FAM3B: variants seen among roughly 807,000 people sequenced by gnomAD.
FAM3B encodes the protein protein FAM3B.
FAM3B carries 29 observed loss-of-function variants against 28.4 expected under a neutral mutation model. That is an observed-to-expected ratio of 1.02 (90% CI 0.76 to 1.39). The LOEUF is 1.39. Among genes scored for constraint, FAM3B ranks in the 40% most tolerant of loss-of-function variants. FAM3B has a pLI of 0.00. For synonymous variants in FAM3B, 91 were observed against 103.0 expected (o/e 0.88, Z 0.71); for missense variants, 266 against 293.9 (o/e 0.91, Z 0.69).
At chr21:41,330,148 A>AAC (rs1555870402) in intron 2 of FAM3B, among the ~76,000 whole-genome samples, 1 of 151,772 alleles carries the variant, frequency 6.6e-6, no homozygotes, top group African/African-American at 2.4e-5. Flanking sequence ...AAAAAAAAAA[A>AAC]AAACATAATA....
chr21:41,355,524 C>A (rs563065667), intron 7 of FAM3B, among the ~76,000 whole-genome samples: 1 of 151,936 alleles, frequency 6.6e-6, no homozygotes, highest in African/African-American at 2.4e-5. Context: ...ATACATGCTA[C>A]AATATGGATG....
intron 7 of FAM3B, among the ~76,000 whole-genome samples, chr21:41,351,022 C>A (rs2089115062): frequency 6.7e-6 from 1 of 150,118 alleles, no homozygotes; most frequent in Non-Finnish European, 1.5e-5. Flanking sequence ...TTATTACTAC[C>A]AATGGTGCGG....
At chr21:41,329,772 G>T (rs2088888359) in intron 2 of FAM3B, among the ~76,000 whole-genome samples, 1 of 152,072 alleles carries the variant, frequency 6.6e-6, no homozygotes, top group South Asian at 2.1e-4. Context: ...GTTTTGCCAT[G>T]TTGGCCAGGC....
At chr21:41,347,856 A>G (rs1451369744) in intron 6 of FAM3B, among the ~76,000 whole-genome samples, 1 of 152,106 alleles carries the variant, frequency 6.6e-6, no homozygotes, top group East Asian at 1.9e-4. Context: ...AGTGTGTCCT[A>G]CTAAGTAAAC....
intron 1 of FAM3B, among the ~76,000 whole-genome samples, chr21:41,321,155 A>G (rs2088800324): frequency 6.6e-6 from 1 of 152,186 alleles, no homozygotes; most frequent in Non-Finnish European, 1.5e-5. Flanking sequence ...CACAGAATAC[A>G]GGGCACGGCC....
Position 41,357,107 on chromosome 21 carries a change from G to A in FAM3B, c.619-1G>A. The A allele has an allele frequency of 6.2e-7, 1 of 1,610,526 alleles. No individual in the cohort carries two copies. The highest frequency in any genetic ancestry group is 8.5e-7 in the Non-Finnish European group (1 of 1,177,906). ...ATAAAACTCTTCTTTTCTCTACACA[G>A]ATCAACCACTCTGATGCTAAGAACA... is the stretch of plus-strand genomic sequence containing the variant. On this transcript the variant is annotated splice_acceptor_variant, in intron 7 of 7. Transcript: ENST00000357985. LOFTEE classifies it high-confidence loss of function.
chr21:41,313,698 G>A (rs2088727854), upstream of FAM3B, among the ~76,000 whole-genome samples: 1 of 144,734 alleles, frequency 6.9e-6, no homozygotes, highest in Non-Finnish European at 1.5e-5. Context: ...CATACAGTAT[G>A]TATGCATGTC....
At chr21:41,322,225 A>G (rs1427483429) in intron 1 of FAM3B, among the ~76,000 whole-genome samples, 1 of 152,212 alleles carries the variant, frequency 6.6e-6, no homozygotes, top group African/African-American at 2.4e-5. Context: ...GAGGAGATCA[A>G]TGCCTTTTCC....
intron 2 of FAM3B, among the ~76,000 whole-genome samples, chr21:41,332,724 G>A (rs995325647): frequency 2.0e-5 from 3 of 151,962 alleles, no homozygotes; most frequent in African/African-American, 7.3e-5. Context: ...CCTTTTTTCG[G>A]TGTATAATTG....
At chr21:41,313,976 A>C (rs118035983), upstream of FAM3B, among the ~76,000 whole-genome samples, 300 of 152,290 alleles carry the variant, frequency 2.0e-3, 3 homozygotes, top group East Asian at 0.021. Context: ...GCTGCCATGG[A>C]TGAATTGCAT....
At chr21:41,335,022 C>T (rs910161952) in intron 2 of FAM3B, among the ~76,000 whole-genome samples, 8 of 152,144 alleles carry the variant, frequency 5.3e-5, no homozygotes, top group Non-Finnish European at 1.2e-4. Context: ...TCGTGTGGGG[C>T]CTGTAGCCTC....
intron 3 of FAM3B, among the ~76,000 whole-genome samples, chr21:41,338,991 T>C (rs576069359): frequency 6.6e-6 from 1 of 152,248 alleles, no homozygotes; most frequent in African/African-American, 2.4e-5. Flanking sequence ...TTCAAAGTCA[T>C]GGGAACATGA....
At chr21:41,314,970 G>A (rs1264665827), upstream of FAM3B, among the ~76,000 whole-genome samples, 1 of 152,162 alleles carries the variant, frequency 6.6e-6, no homozygotes. Flanking sequence ...GGATCCAGAA[G>A]AGATATTTGC....
At chr21:41,324,872 C>T (rs446632) in intron 2 of FAM3B, among the ~76,000 whole-genome samples, 11,210 of 152,190 alleles carry the variant, frequency 0.074, 566 homozygotes, top group African/African-American at 0.13. Flanking sequence ...GAGGCCGAGG[C>T]GGGCACATCA....
At chr21:41,341,455 C>G (rs1322515989) in intron 3 of FAM3B, among the ~76,000 whole-genome samples, 2 of 152,230 alleles carry the variant, frequency 1.3e-5, no homozygotes, top group Non-Finnish European at 2.9e-5. Context: ...TCTTTCCTTC[C>G]TGCCCAATGG....
At chr21:41,354,775 A>G (rs1347682177) in intron 7 of FAM3B, among the ~76,000 whole-genome samples, 1 of 152,006 alleles carries the variant, frequency 6.6e-6, no homozygotes, top group African/African-American at 2.4e-5. Flanking sequence ...TGTACAACAA[A>G]CCCCTATGAT....
chr21:41,340,655 T>TTACATTGAA (rs2145820874), intron 3 of FAM3B, among the ~76,000 whole-genome samples: 1 of 152,366 alleles, frequency 6.6e-6, no homozygotes, highest in South Asian at 2.1e-4. Flanking sequence ...TGTAGTTATT[T>TTACATTGAA]TACATTGAAT....
chr21:41,349,475 A>T (rs1450894424), intron 7 of FAM3B, among the ~76,000 whole-genome samples: 1 of 152,172 alleles, frequency 6.6e-6, no homozygotes, highest in Non-Finnish European at 1.5e-5. Context: ...CCTTCTGAGG[A>T]TAAGGGCCTC....
At chr21:41,320,647 T>C (rs2088794223) in intron 1 of FAM3B, 1 of 152,324 alleles carries the variant, frequency 6.6e-6, no homozygotes, top group Non-Finnish European at 1.5e-5. Flanking sequence ...TGGATCTGCC[T>C]CCCACCCAGG....
Sources: gnomAD v4.1 joint callset for allele counts (sites outside exome capture counted in the v4.1 genomes callset) on GRCh38, gnomAD v4.1.1 for gene constraint, MANE v1.5 for transcripts, NCBI Gene and HGNC (gene_info 2026-07-23, HGNC 2026-07-21) for gene names.